Variants in ABITRAM observed in about 807,000 individuals in gnomAD.
The protein encoded by ABITRAM is protein Abitram.
ABITRAM carries 19 observed loss-of-function variants against 22.9 expected under a neutral mutation model. The ratio of observed to expected loss-of-function variants is 0.83; its 90% CI spans 0.58 to 1.22. The LOEUF is 1.22. Ranked by LOEUF, ABITRAM falls within the 50% of genes most tolerant of loss-of-function variation. The pLI is 0.00. For synonymous variants in ABITRAM, 70 were observed against 73.9 expected (o/e 0.95, Z 0.27); for missense variants, 215 against 220.2 (o/e 0.98, Z 0.15).
rs1830527422 is a variant in ABITRAM, at chr9:108,950,432, G to C, written c.262-75G>C. The C allele has an allele frequency of 4.1e-6, 6 of 1,468,230 alleles. No homozygotes were observed. The South Asian group carries it at 5.3e-5, about 13-fold the overall frequency. 91.0% of individuals were successfully genotyped at this position (1,468,230 alleles called of 1,614,324 possible). A position where few individuals can be genotyped will look rare whatever the true frequency, so the allele number is the denominator to read the frequency against. ...AATGGTCTCCAATGATGGAAAATAT[G>C]ATAAGGTACTGACAAATGACAGCTA... On this transcript the variant is annotated intron_variant, in intron 3 of 3. Transcript: ENST00000374624.
intron 3 of ABITRAM, chr9:108,948,379 T>G (rs1340722332): frequency 1.6e-5 from 10 of 642,080 alleles, no homozygotes; most frequent in Non-Finnish European, 2.4e-5. Context: ...TATTGTAACT[T>G]TATGCTTAAA....
intron 4 of ABITRAM, 32 bp downstream of exon 4, chr9:108,939,304 C>A: frequency 6.3e-7 from 1 of 1,596,258 alleles, no homozygotes; most frequent in Non-Finnish European, 8.5e-7. Context: ...ATTTAGGAGA[C>A]CAAAGGGAGG....
chr9:108,938,461 T>A (rs985247781), intron 3 of ABITRAM, among the ~76,000 whole-genome samples: 1 of 152,118 alleles, frequency 6.6e-6, no homozygotes, highest in African/African-American at 2.4e-5. Context: ...TGTAGATACT[T>A]GTGAGAGCCT....
downstream of ABITRAM, among the ~76,000 whole-genome samples, chr9:108,945,463 C>CTTTT (rs578073650): frequency 1.5e-5 from 2 of 135,508 alleles, no homozygotes; most frequent in South Asian, 2.4e-4. Flanking sequence ...GGTTTTCTTC[C>CTTTT]TTTTTTTTTT....
intron 3 of ABITRAM, among the ~76,000 whole-genome samples, chr9:108,947,092 G>T (rs1352742519): frequency 6.6e-6 from 1 of 150,660 alleles, no homozygotes; most frequent in Non-Finnish European, 1.5e-5. Context: ...CTATATGAGT[G>T]ATAAAGTGAT....
chr9:108,939,583 C>A lies in ABITRAM; in HGVS notation c.443C>A (p.Pro148His), dbSNP rs776623034. ...GAAGGCTACATTGCAGTTGTGTTAC[C>A]CAAATTTGAAGAAAGTAAAAGCATA... Reference protein sequence around the residue: ...STEGYIAVVLPKFEESKSITE... With the variant: ...STEGYIAVVLHKFEESKSITE... Residue 148 changes from proline (P) to histidine (H), a missense_variant, in exon 6 of 6, where the codon CCC becomes CAC. Pro to His is a moderately conservative substitution (Grantham distance 77, BLOSUM62 -2). Transcript: ENST00000322940. The A allele has an allele frequency of 6.2e-7, 1 of 1,613,562 alleles. No individual in the cohort carries two copies. The highest frequency in any genetic ancestry group is 8.5e-7 in the Non-Finnish European group (1 of 1,179,886).
intron 3 of ABITRAM, among the ~76,000 whole-genome samples, chr9:108,938,818 A>G (rs995586636): frequency 3.3e-5 from 5 of 152,156 alleles, no homozygotes; most frequent in African/African-American, 4.8e-5. Context: ...AACTAACTTT[A>G]TACAATATTG....
chr9:108,949,389 A>C (rs952934339), intron 3 of ABITRAM, among the ~76,000 whole-genome samples: 3 of 152,186 alleles, frequency 2.0e-5, no homozygotes, highest in African/African-American at 7.2e-5. Context: ...AAATAAAACT[A>C]ATCAAAGGAG....
chr9:108,942,519 A>C, downstream of ABITRAM: 1 of 495,898 alleles, frequency 2.0e-6, no homozygotes, highest in Non-Finnish European at 3.5e-6. Flanking sequence ...ATTTGGTTTG[A>C]CTTTTAAAGA....
At chr9:108,937,680 ATC>A (rs1468486473) in intron 3 of ABITRAM, among the ~76,000 whole-genome samples, 1 of 152,074 alleles carries the variant, frequency 6.6e-6, no homozygotes, top group Non-Finnish European at 1.5e-5. Flanking sequence ...TCAATGATAA[ATC>A]TCTGTCCAAA....
At chr9:108,939,049 G>A in intron 3 of ABITRAM, 147 bp from the exon 4 acceptor site, 1 of 658,068 alleles carries the variant, frequency 1.5e-6, no homozygotes, top group Non-Finnish European at 2.5e-6. Flanking sequence ...TATAGGTTCT[G>A]AAATTAATGA....
At chr9:108,947,041 TC>T (rs755617449) in intron 3 of ABITRAM, among the ~76,000 whole-genome samples, 5 of 152,058 alleles carry the variant, frequency 3.3e-5, no homozygotes, top group African/African-American at 7.2e-5. Context: ...ACAATCATCC[TC>T]TTAAGCTGAA....
intron 3 of ABITRAM, among the ~76,000 whole-genome samples, chr9:108,937,001 A>G (rs1397159949): frequency 6.6e-6 from 1 of 152,100 alleles, no homozygotes; most frequent in African/African-American, 2.4e-5. Flanking sequence ...TCTCTATAAA[A>G]ATACAAAAAT....
At chr9:108,936,581 C>A in intron 3 of ABITRAM, 144 bp downstream of exon 3, 1 of 882,422 alleles carries the variant, frequency 1.1e-6, no homozygotes, top group Admixed American at 2.6e-5. Context: ...TATACTTTCA[C>A]CTAAAGAAAT....
At position 108,940,461 on chromosome 9, in the gene ABITRAM, C is replaced by T. The variant is rs904937808; in HGVS notation, c.*775C>T. 1 of 152,202 alleles carries T rather than the reference C, an allele frequency of 6.6e-6. No individual in the cohort carries two copies. Among genetic ancestry groups the T allele is most frequent in the Admixed American group, 6.5e-5 (1 of 15,278 alleles). 9.4% of individuals were successfully genotyped at this position (152,202 alleles called of 1,614,324 possible). On this transcript the variant is annotated 3_prime_UTR_variant, in exon 6 of 6. Transcript: ENST00000322940. ...CCTAGTCCTAGCCCATCTGCCTCAA[C>T]TCCTCTCCCTTTTAGGTTGTAGGGA...
In ABITRAM at chr9:108,936,131, C is replaced by T. The variant is rs140005612; in HGVS notation, c.132-177C>T. On this transcript the variant is annotated intron_variant, in intron 2 of 5. Coordinates refer to ENST00000322940, the MANE Select transcript of ABITRAM (RefSeq NM_017832.4). ...GGAAAGAAATTCAATCTTGTTTTCT[C>T]TTTTATTATTGTATTCTCTATTCTA... is the stretch of plus-strand genomic sequence containing the variant. 190 of 654,124 alleles carry T rather than the reference C, an allele frequency of 2.9e-4. 1 individual carries two copies. The African/African-American group carries it at 3.2e-3, about 11-fold the overall frequency. The allele number at this position is 654,124 out of a possible 1,614,324, so 40.5% of individuals were successfully genotyped here.
chr9:108,934,864 A>G (rs2132062256), intron 1 of ABITRAM, among the ~76,000 whole-genome samples: 1 of 152,268 alleles, frequency 6.6e-6, no homozygotes, highest in East Asian at 1.9e-4. Context: ...GCTAGGTTGC[A>G]ACAGTCCTTA....
rs144065215 is a variant in ABITRAM, at chr9:108,939,442, T to A, written c.396T>A (p.Ile132=). The change falls in exon 5 of 6, where the codon ATT becomes ATA. Residue 132 remains isoleucine (I), a synonymous_variant. Transcript: ENST00000322940. ...VNENILHKPS[I]LQEKPSTEGY... is the part of the protein sequence containing the mutation. ...AAAACATCCTCCATAAGCCATCTAT[T>A]CTTCAAGAAAAGGTAAAAGAGAGAG... The A allele has an allele frequency of 5.7e-5, 92 of 1,610,274 alleles. No homozygotes were observed. The African/African-American group carries it at 1.2e-3, about 20-fold the overall frequency.
Position 108,939,393 on chromosome 9 carries a change from G to T in ABITRAM, c.347G>T (p.Arg116Ile). The T allele has an allele frequency of 6.2e-7, 1 of 1,608,984 alleles. No individual in the cohort carries two copies. The highest frequency in any genetic ancestry group is 1.1e-5 in the South Asian group (1 of 89,542). The change falls in exon 5 of 6, where the codon AGA (arginine) becomes ATA (isoleucine). Residue 116 changes from arginine to isoleucine, a missense_variant. Arg to Ile is a moderately conservative substitution (Grantham distance 97). Transcript: ENST00000322940. ...GEEYTVSSCV[R>I]GRLMEVNENI... ...TTAAATTTTTTTAATAGTTGTGTTA[G>T]AGGACGTTTGATGGAAGTGAATGAA...
Sources: gnomAD v4.1 joint callset for allele counts (sites outside exome capture counted in the v4.1 genomes callset) on GRCh38, gnomAD v4.1.1 for gene constraint, MANE v1.5 for transcripts, NCBI Gene and HGNC (gene_info 2026-07-23, HGNC 2026-07-21) for gene names.